Variants in ERMARD observed in about 807,000 individuals in gnomAD.
ERMARD encodes the protein ER membrane associated RNA degradation.
ERMARD carries 71 observed loss-of-function variants against 83.9 expected under a neutral mutation model. The ratio of observed to expected loss-of-function variants is 0.85; its 90% CI spans 0.70 to 1.03. The LOEUF (loss-of-function observed/expected upper bound fraction) is 1.03, where lower values mean the gene tolerates loss of function less well. ERMARD is among the 50% of genes least tolerant of loss of function. The pLI is 0.00. For synonymous variants in ERMARD, 284 were observed against 298.6 expected, an observed-to-expected ratio of 0.95 and a Z score of 0.50; for missense variants, 838 against 810.9, an observed-to-expected ratio of 1.03 and a Z score of -0.41.
upstream of ERMARD, chr6:169,751,362 G>C: frequency 6.2e-7 from 1 of 1,614,082 alleles, no homozygotes; most frequent in Non-Finnish European, 8.5e-7. Context: ...AACATGCTAG[G>C]CCTCCTTTCT....
chr6:169,762,350 C>A, intron 8 of ERMARD, 79 bp from the exon 9 acceptor site: 1 of 1,315,710 alleles, frequency 7.6e-7, no homozygotes, highest in Non-Finnish European at 1.1e-6. Context: ...GCTGGGATTA[C>A]AGGCATGAGC....
chr6:169,758,895 A>G (rs959818862), intron 5 of ERMARD, 73 bp from the exon 6 acceptor site: 3 of 1,370,660 alleles, frequency 2.2e-6, no homozygotes, highest in Non-Finnish European at 3.1e-6. Flanking sequence ...GAGGAACACA[A>G]ATGTTATCTT....
chr6:169,759,084 C>G lies in ERMARD; in HGVS notation c.605+19C>G. On this transcript the variant is annotated intron_variant, in intron 6 of 17. Coordinates refer to ENST00000366773, the MANE Select transcript of ERMARD (RefSeq NM_018341.3). ...CTCCAAAGTAAGTTGCAAGTGAAGACATTTTCTTCCTTTTTTGGATCTACC... is the reference window on the plus strand; with the variant it reads ...CTCCAAAGTAAGTTGCAAGTGAAGAGATTTTCTTCCTTTTTTGGATCTACC... 1.3e-6 allele frequency: 2 copies of G among 1,591,902 alleles called. No individual in the cohort carries two copies. The highest frequency in any genetic ancestry group is 2.3e-5 in the South Asian group (2 of 88,754).
chr6:169,776,658 T>C lies in ERMARD; in HGVS notation c.1724T>C (p.Leu575Pro), dbSNP rs1436484133. ...CGGTCTCGCCAGCGGCAGAACTACC[T>C]GCGTATGTGGAGTAGGTGCGCGCTC... ...TLRSRQRQNY[L>P]RMWSSIRLLS... is the part of the protein sequence containing the mutation. Residue 575 changes from leucine to proline, a missense_variant, in exon 16 of 18, where the codon CTG (leucine) becomes CCG (proline). Physicochemically the swap from Leu to Pro is moderately conservative, Grantham distance 98. Transcript: ENST00000366773. 3 of 1,613,662 alleles carry C rather than the reference T, an allele frequency of 1.9e-6. No individual in the cohort carries two copies. The highest frequency in any genetic ancestry group is 2.5e-6 in the Non-Finnish European group (3 of 1,180,000).
In ERMARD at chr6:169,756,726, T is replaced by C; in HGVS notation, c.425T>C (p.Leu142Ser). 6.2e-7 allele frequency: 1 copy of C among 1,613,898 alleles called. No individual in the cohort carries two copies. ...CLERALGDVF[L>S]LIGKECPFLL... Reference sequence around the variant, plus strand: ...TTTTTGTTTGAATTTTAGGTATTTTTACTGATTGGGAAGGAATGCCCCTTT... The same window carrying C: ...TTTTTGTTTGAATTTTAGGTATTTTCACTGATTGGGAAGGAATGCCCCTTT... The change falls in exon 5 of 18, where the codon TTA becomes TCA. Residue 142 changes from leucine to serine, a missense_variant. Physicochemically the swap from Leu to Ser is moderately radical, Grantham distance 145. Transcript: ENST00000366773.
intron 12 of ERMARD, chr6:169,771,434 T>C (rs1252126187): frequency 6.6e-6 from 1 of 152,190 alleles, no homozygotes; most frequent in Non-Finnish European, 1.5e-5. Flanking sequence ...GGAATTTATT[T>C]CATCTTGGGA....
At chr6:169,751,817 G>C in intron 1 of ERMARD, 154 bp downstream of exon 1, 1 of 1,137,082 alleles carries the variant, frequency 8.8e-7, no homozygotes, top group Non-Finnish European at 1.2e-6. Context: ...TCGCGGCCCT[G>C]GCCTCTGTGG....
chr6:169,751,977 C>T, intron 1 of ERMARD: 1 of 422,236 alleles, frequency 2.4e-6, no homozygotes, highest in East Asian at 4.1e-5. Context: ...GGGCGGAAAG[C>T]CGCAGGTCGG....
chr6:169,757,857 T>TC (rs1791012070), intron 5 of ERMARD, among the ~76,000 whole-genome samples: 1 of 152,256 alleles, frequency 6.6e-6, no homozygotes, highest in African/African-American at 2.4e-5. Flanking sequence ...AGTACAAACC[T>TC]CTTGTTACAC....
rs1792246025 is a variant in ERMARD, at chr6:169,766,621, TCTTTC to T, written c.961-12_961-8del. The T allele has an allele frequency of 6.4e-7, 1 of 1,570,450 alleles. No individual in the cohort carries two copies. Among genetic ancestry groups the T allele is most frequent in the Non-Finnish European group, 8.6e-7 (1 of 1,165,936 alleles). ...TTTGCTTTAATTGTTTATTTTCATT[TCTTTC>T]CTTTTCTGAAGTCAACAGCTCTTTA... On this transcript the variant is annotated splice_polypyrimidine_tract_variant and intron_variant, in intron 9 of 17. Coordinates refer to ENST00000366773, the MANE Select transcript of ERMARD (RefSeq NM_018341.3).
intron 17 of ERMARD, 76 bp downstream of exon 17, chr6:169,779,371 T>G: frequency 7.8e-7 from 1 of 1,285,202 alleles, no homozygotes; most frequent in Non-Finnish European, 1.1e-6. Context: ...GGAGTGAGAT[T>G]GGGGCAGTGT....
At chr6:169,780,046 C>T (rs1340899731) in intron 17 of ERMARD, among the ~76,000 whole-genome samples, 1 of 152,194 alleles carries the variant, frequency 6.6e-6, no homozygotes. Context: ...CACCTCAGTA[C>T]ATGTTTAAAT....
intron 9 of ERMARD, among the ~76,000 whole-genome samples, chr6:169,766,005 GTCAAATC>G (rs200337365): frequency 0.018 from 2,673 of 147,420 alleles, 210 homozygotes; most frequent in African/African-American, 0.066. Flanking sequence ...CATGCTGTCT[GTCAAATC>G]TCACTGAAGT....
At chr6:169,772,793 A>AT (rs1562343413) in intron 12 of ERMARD, among the ~76,000 whole-genome samples, 2 of 141,464 alleles carry the variant, frequency 1.4e-5, no homozygotes, top group Non-Finnish European at 3.0e-5. Context: ...AAAAAAAAAA[A>AT]TTGTAGGTAG....
rs542068627 is a variant in ERMARD, at chr6:169,755,421, A to G, written c.314A>G (p.Glu105Gly). The change falls in exon 3 of 18, where the codon GAG becomes GGG. Residue 105 changes from glutamate to glycine, a missense_variant and splice_region_variant. Physicochemically the swap from Glu to Gly is moderately conservative, Grantham distance 98. Coordinates refer to ENST00000366773, the MANE Select transcript of ERMARD (RefSeq NM_018341.3). ...TGGTTCCAGTGGACAAGTTTTCCAG[A>G]GGTTTGGCTTTTGAACAACCTTTAG... ...APWFQWTSFP[E>G]LFPEIFDALE... 9.1e-5 allele frequency: 147 copies of G among 1,614,042 alleles called. No individual in the cohort carries two copies. The highest frequency in any genetic ancestry group is 3.3e-4 in the Middle Eastern group (2 of 6,062).
At chr6:169,752,968 G>A (rs1022034898) in intron 1 of ERMARD, 2 of 152,176 alleles carry the variant, frequency 1.3e-5, no homozygotes, top group Non-Finnish European at 2.9e-5. Context: ...CATCACAAGG[G>A]ATAAACCTTA....
chr6:169,777,070 G>A (rs919094186), intron 16 of ERMARD, among the ~76,000 whole-genome samples: 6 of 152,200 alleles, frequency 3.9e-5, no homozygotes, highest in Non-Finnish European at 8.8e-5. Flanking sequence ...TAGGTAGACA[G>A]GAGACAAAGG....
At chr6:169,769,759 C>A in intron 12 of ERMARD, 46 bp downstream of exon 12, 1 of 1,475,074 alleles carries the variant, frequency 6.8e-7, no homozygotes. Flanking sequence ...ACTCATTCAG[C>A]TATGAAAATA....
At chr6:169,776,099 C>T (rs977469772) in intron 15 of ERMARD, 34 bp downstream of exon 15, 1 of 1,607,222 alleles carries the variant, frequency 6.2e-7, no homozygotes, top group Admixed American at 1.7e-5. Flanking sequence ...ACTGTTGAAA[C>T]ATTGATTCAG....
Sources: gnomAD v4.1 joint callset for allele counts (sites outside exome capture counted in the v4.1 genomes callset) on GRCh38, gnomAD v4.1.1 for gene constraint, MANE v1.5 for transcripts, NCBI Gene and HGNC (gene_info 2026-07-23, HGNC 2026-07-21) for gene names.